ZSCAN5B: variants seen among roughly 807,000 people sequenced by gnomAD.
The protein encoded by ZSCAN5B is zinc finger and SCAN domain containing 5B.
In ZSCAN5B, 26 loss-of-function variants were observed where a neutral mutation model predicts 25.2. The ratio of observed to expected loss-of-function variants is 1.03; its 90% CI spans 0.76 to 1.43. The LOEUF is 1.43. Ranked by LOEUF, ZSCAN5B falls within the 40% of genes most tolerant of loss-of-function variation. The probability of loss-of-function intolerance (pLI) is 0.00; values close to 1 mark genes in which losing one functional copy is unlikely to be tolerated. For missense variants in ZSCAN5B, 745 were observed against 622.1 expected, an observed-to-expected ratio of 1.20 and a Z score of -2.10; for synonymous variants, 244 against 240.9, an observed-to-expected ratio of 1.01 and a Z score of -0.12.
intron 1 of ZSCAN5B, among the ~76,000 whole-genome samples, chr19:56,195,810 A>C (rs1168902087): frequency 3.3e-5 from 5 of 151,822 alleles, no homozygotes; most frequent in Admixed American, 3.3e-4. Context: ...AAATCTGCAC[A>C]GGCACCCACC....
intron 1 of ZSCAN5B, among the ~76,000 whole-genome samples, chr19:56,193,592 C>T (rs1377552998): frequency 6.6e-6 from 1 of 152,182 alleles, no homozygotes; most frequent in East Asian, 1.9e-4. Flanking sequence ...ATAGTTACAA[C>T]CTACGATTGT....
At chr19:56,196,270 T>C (rs2032808750) in intron 1 of ZSCAN5B, among the ~76,000 whole-genome samples, 1 of 152,110 alleles carries the variant, frequency 6.6e-6, no homozygotes, top group Non-Finnish European at 1.5e-5. Flanking sequence ...CAGGCTGGTC[T>C]CAAACTCCTG....
At chr19:56,195,572 A>G (rs969918538) in intron 1 of ZSCAN5B, among the ~76,000 whole-genome samples, 1 of 151,900 alleles carries the variant, frequency 6.6e-6, no homozygotes, top group Non-Finnish European at 1.5e-5. Context: ...ACAGTATAGA[A>G]GCTCCTCAGA....
exon 5 of ZSCAN5B, chr19:56,189,931 A>C: frequency 6.2e-7 from 1 of 1,613,908 alleles, no homozygotes; most frequent in South Asian, 1.1e-5. Context: ...TTCTCTCCGG[A>C]GTGGGTGCGC....
At chr19:56,190,067 G>A (rs1200331205) in exon 5 of ZSCAN5B, 1 of 1,613,986 alleles carries the variant, frequency 6.2e-7, no homozygotes, top group East Asian at 2.2e-5. Flanking sequence ...ACCGCTTTTG[G>A]CAGACGTCAC....
chr19:56,191,049 T>A, intron 3 of ZSCAN5B, 62 bp from the exon 4 acceptor site: 2 of 1,604,796 alleles, frequency 1.2e-6, no homozygotes, highest in East Asian at 2.2e-5. Flanking sequence ...TAGGGACATG[T>A]CTGTCCCCTC....
rs758787037 is a variant in ZSCAN5B, at chr19:56,192,953, C to G, written c.100G>C (p.Gly34Arg). Reference sequence around the variant, plus strand: ...GTCTCAGGGTTCCTGTCGTGATTTCCAAGTTGAGTTTCTGGGGACGCCACA... The same window carrying G: ...GTCTCAGGGTTCCTGTCGTGATTTCGAAGTTGAGTTTCTGGGGACGCCACA... The change falls in exon 2 of 5, where the codon GGA becomes CGA. Residue 34 changes from glycine to arginine, a missense_variant. Coordinates refer to ENST00000586855, the Ensembl canonical transcript of ZSCAN5B. The G allele has an allele frequency of 6.2e-6, 10 of 1,613,154 alleles. No homozygotes were observed. In the East Asian group the frequency reaches 2.2e-4, roughly 36 times the overall value.
At chr19:56,191,102 C>A in intron 3 of ZSCAN5B, 115 bp from the exon 4 acceptor site, 1 of 1,399,254 alleles carries the variant, frequency 7.1e-7, no homozygotes, top group East Asian at 2.3e-5. Flanking sequence ...CCCCATCACC[C>A]CAAGTAAACA....
At chr19:56,189,776 A>T (rs1317865624) in exon 5 of ZSCAN5B, 5 of 1,544,776 alleles carry the variant, frequency 3.2e-6, no homozygotes, top group Non-Finnish European at 4.4e-6. Context: ...ATTGGAGAAA[A>T]ACCATCATTC....
At chr19:56,195,111 A>T (rs1045400522) in intron 1 of ZSCAN5B, among the ~76,000 whole-genome samples, 7 of 152,186 alleles carry the variant, frequency 4.6e-5, no homozygotes, top group Non-Finnish European at 8.8e-5. Flanking sequence ...AGGTCACTGG[A>T]AGCCTGGAGG....
At chr19:56,194,501 G>T (rs1229916613) in intron 1 of ZSCAN5B, among the ~76,000 whole-genome samples, 1 of 152,144 alleles carries the variant, frequency 6.6e-6, no homozygotes, top group African/African-American at 2.4e-5. Flanking sequence ...TCGCCATGTT[G>T]CCCAGGCTGG....
intron 1 of ZSCAN5B, among the ~76,000 whole-genome samples, chr19:56,196,757 C>T (rs1599942263): frequency 6.6e-6 from 1 of 152,218 alleles, no homozygotes; most frequent in East Asian, 1.9e-4. Flanking sequence ...ATCCAGCGGC[C>T]ATCTCGTTTT....
Position 56,192,894 on chromosome 19 carries a change from T to C in ZSCAN5B, c.159A>G (p.Pro53=), listed in dbSNP as rs1405399994. Residue 53 remains proline (P), a synonymous_variant, in exon 2 of 5, where the codon CCA becomes CCG. Coordinates refer to ENST00000586855, the Ensembl canonical transcript of ZSCAN5B. ...GAGCCTGGATGGGGTCCGACTCCTC[T>C]GGGCAGCTGAACATCCTGAAATTCA... The C allele has an allele frequency of 1.9e-6, 3 of 1,614,124 alleles. No individual in the cohort carries two copies. The highest frequency in any genetic ancestry group is 2.5e-6 in the Non-Finnish European group (3 of 1,179,996).
At chr19:56,190,216 A>T in exon 5 of ZSCAN5B, 1 of 1,614,046 alleles carries the variant, frequency 6.2e-7, no homozygotes, top group Non-Finnish European at 8.5e-7. Flanking sequence ...AGCTGGGAAA[A>T]ATACTTAAAT....
chr19:56,193,947 A>G (rs922787733), intron 1 of ZSCAN5B, among the ~76,000 whole-genome samples: 1 of 117,046 alleles, frequency 8.5e-6, no homozygotes, highest in Non-Finnish European at 1.8e-5. Context: ...ACAGAGTAAG[A>G]CTCCATCTCA....
At chr19:56,191,960 C>G (rs375625371) in exon 3 of ZSCAN5B, 24 of 1,613,948 alleles carry the variant, frequency 1.5e-5, no homozygotes, top group Non-Finnish European at 1.8e-5. Flanking sequence ...CTGGACACGT[C>G]TCTCGGATCA....
exon 5 of ZSCAN5B, chr19:56,190,230 T>G (rs1299354376): frequency 3.7e-6 from 6 of 1,613,982 alleles, no homozygotes; most frequent in Non-Finnish European, 5.1e-6. Flanking sequence ...CTTAAATGAT[T>G]TATTGCACAC....
At chr19:56,193,075 C>A in exon 2 of ZSCAN5B, 1 of 1,519,428 alleles carries the variant, frequency 6.6e-7, no homozygotes, top group South Asian at 1.3e-5. Flanking sequence ...ATATTTCAAT[C>A]AGCCTCTGAG....
At chr19:56,190,887 T>G (rs772519247) in exon 4 of ZSCAN5B, 5 of 1,614,124 alleles carry the variant, frequency 3.1e-6, no homozygotes, top group Non-Finnish European at 4.2e-6. Flanking sequence ...TGGGTTCTCT[T>G]CCCTGTTTTC....
Sources: gnomAD v4.1 joint callset for allele counts (sites outside exome capture counted in the v4.1 genomes callset) on GRCh38, gnomAD v4.1.1 for gene constraint, MANE v1.5 for transcripts, NCBI Gene and HGNC (gene_info 2026-07-23, HGNC 2026-07-21) for gene names.